ATAD3B: variants seen among roughly 807,000 people sequenced by gnomAD.
ATAD3B encodes ATPase family AAA domain-containing protein 3B.
In ATAD3B, 59 loss-of-function variants were observed where a neutral mutation model predicts 70.2. That is an observed-to-expected ratio of 0.84 (90% confidence interval 0.68 to 1.04). The LOEUF is 1.04. ATAD3B is among the 50% of genes least tolerant of loss of function. The pLI, the probability that ATAD3B is intolerant of heterozygous loss-of-function variation, is 0.00. For missense variants in ATAD3B, 961 were observed against 913.4 expected, an observed-to-expected ratio of 1.05 and a Z score of -0.67; for synonymous variants, 423 against 388.6, an observed-to-expected ratio of 1.09 and a Z score of -1.04.
chr1:1,490,516 G>A (rs1056734747), intron 14 of ATAD3B, 47 bp from the exon 15 acceptor site: 12 of 1,610,960 alleles, frequency 7.4e-6, no homozygotes, highest in Middle Eastern at 1.7e-4. Flanking sequence ...ACCTCATGGT[G>A]TGGGGTCCGC....
chr1:1,477,132 C>CA, intron 1 of ATAD3B, 142 bp from the exon 2 acceptor site: 2 of 1,127,922 alleles, frequency 1.8e-6, no homozygotes, highest in Non-Finnish European at 2.6e-6. Flanking sequence ...ACCTGAGCCT[C>CA]AGAGTTGCTG....
intron 7 of ATAD3B, chr1:1,483,176 G>C (rs919414364): frequency 2.6e-6 from 1 of 380,802 alleles, no homozygotes; most frequent in Admixed American, 3.3e-5. Flanking sequence ...GGTGACATGT[G>C]CCTGTAATCT....
At chr1:1,484,372 A>C (rs1640090446) in intron 7 of ATAD3B, 1 of 151,828 alleles carries the variant, frequency 6.6e-6, no homozygotes, top group Admixed American at 6.6e-5. Context: ...TAGTAGAGAG[A>C]GGGTTTCATC....
Position 1,477,336 on chromosome 1 carries a change from C to A in ATAD3B, c.268C>A (p.Gln90Lys). 1 of 1,612,190 alleles carries A rather than the reference C, an allele frequency of 6.2e-7. No homozygotes were observed. The highest frequency in any genetic ancestry group is 8.5e-7 in the Non-Finnish European group (1 of 1,179,714). The change falls in exon 2 of 16, where the codon CAG (glutamine) becomes AAG (lysine). Residue 90 changes from glutamine (Q) to lysine (K), a missense_variant. Gln to Lys is a moderately conservative substitution (Grantham distance 53). This residue lies in a region of ATAD3B where 187 missense variants were observed against 244.3 expected (regional missense o/e 0.77). Coordinates refer to ENST00000673477, the MANE Select transcript of ATAD3B (RefSeq NM_031921.6). ...MQEQTLQLEQ[Q>K]SKLKEYEAAV... Reference sequence around the variant, plus strand: ...GGAGCAGACGCTGCAGTTGGAGCAACAGTCCAAGCTCAAAGTGAGTGGGGC... The same window carrying A: ...GGAGCAGACGCTGCAGTTGGAGCAAAAGTCCAAGCTCAAAGTGAGTGGGGC...
chr1:1,503,223 C>CAAA, the ATAD3B span: 18 of 108,918 alleles, frequency 1.7e-4, no homozygotes, highest in South Asian at 7.6e-4. Context: ...GATTCCGTCT[C>CAAA]AAAAAAAAAA....
At chr1:1,483,846 G>A (rs1164417369) in intron 7 of ATAD3B, 1 of 152,218 alleles carries the variant, frequency 6.6e-6, no homozygotes, top group African/African-American at 2.4e-5. Flanking sequence ...CATGTCCTCA[G>A]GTGACACCGT....
chr1:1,494,218 C>T (rs1372923724), intron 15 of ATAD3B, among the ~76,000 whole-genome samples: 3 of 151,952 alleles, frequency 2.0e-5, no homozygotes, highest in Admixed American at 1.3e-4. Context: ...TGACATTTAG[C>T]TGTCACTTCT....
chr1:1,485,953 T>G, intron 9 of ATAD3B, 115 bp downstream of exon 9: 1 of 1,596,548 alleles, frequency 6.3e-7, no homozygotes, highest in South Asian at 1.1e-5. Flanking sequence ...GGTCCTGAGA[T>G]GCAACTGCTT....
At position 1,490,422 on chromosome 1, in the gene ATAD3B, ACGGTGAGTGT is replaced by A. The variant is rs1407237795; in HGVS notation, c.1505_1505+9del. The A allele has an allele frequency of 1.2e-6, 2 of 1,613,202 alleles. No homozygotes were observed. The highest frequency in any genetic ancestry group is 1.7e-6 in the Non-Finnish European group (2 of 1,179,620). ...TTCTTAAGCCGGCCACAGAAGGAAA[ACGGTGAGTGT>A]CCCGCCTCACCCGGCCCCCAATCCA... is the stretch of plus-strand genomic sequence containing the variant. On this transcript the variant is annotated splice_donor_variant and splice_donor_5th_base_variant and coding_sequence_variant and intron_variant, in exon 14 of 16. Coordinates refer to ENST00000673477, the MANE Select transcript of ATAD3B (RefSeq NM_031921.6). LOFTEE classifies it high-confidence loss of function.
At position 1,487,707 on chromosome 1, in the gene ATAD3B, C is replaced by G. The variant is rs186532722; in HGVS notation, c.1215-156C>G. Among the ~76,000 whole-genome samples, 536 of 151,982 alleles carry G rather than the reference C, an allele frequency of 3.5e-3. 3 individuals carry two copies. The highest frequency in any genetic ancestry group is 0.012 in the African/African-American group (506 of 41,490). ...TCAGCTGCCCAGAGGCCAGGCTGAT[C>G]GGCTTCTGTCGAGTCCAGGACTTAG... On this transcript the variant is annotated intron_variant, in intron 11 of 15. Transcript: ENST00000673477.
chr1:1,508,671 C>T, the ATAD3B span, among the ~76,000 whole-genome samples: 1 of 151,418 alleles, frequency 6.6e-6, no homozygotes, highest in Non-Finnish European at 1.5e-5. Context: ...CCGAGGGCCA[C>T]AGCCCCAGCA....
At chr1:1,507,038 C>T in the ATAD3B span, among the ~76,000 whole-genome samples, 2 of 151,872 alleles carry the variant, frequency 1.3e-5, no homozygotes, top group East Asian at 3.9e-4. Flanking sequence ...CTGCCCGCTT[C>T]AGCCTCCCAA....
Position 1,487,856 on chromosome 1 carries a change from T to C in ATAD3B, c.1215-7T>C. 6.2e-7 allele frequency: 1 copy of C among 1,612,920 alleles called. No homozygotes were observed. Among genetic ancestry groups the C allele is most frequent in the Non-Finnish European group, 8.5e-7 (1 of 1,179,336 alleles). ...CTCGCCTTGCTTGGCCTCTCTCTCG[T>C]TCACAGCCTCCTGCTCTTCATGGAT... On this transcript the variant is annotated splice_polypyrimidine_tract_variant and splice_region_variant and intron_variant, in intron 11 of 15. Transcript: ENST00000673477.
chr1:1,477,301 C>T lies in ATAD3B; in HGVS notation c.233C>T (p.Ala78Val), dbSNP rs761212122. 19 of 1,612,414 alleles carry T rather than the reference C, an allele frequency of 1.2e-5. No homozygotes were observed. The highest frequency in any genetic ancestry group is 1.7e-5 in the Admixed American group (1 of 59,994). The change falls in exon 2 of 16, where the codon GCG becomes GTG. Residue 78 changes from alanine (A) to valine (V), a missense_variant. Transcript: ENST00000673477. ...TACGCCAAGGAGGCCCTGAATCTGGCGCAGATGCAGGAGCAGACGCTGCAG... is the reference window on the plus strand; with the variant it reads ...TACGCCAAGGAGGCCCTGAATCTGGTGCAGATGCAGGAGCAGACGCTGCAG... ...SRYAKEALNL[A>V]QMQEQTLQLE...
At chr1:1,475,732 C>T (rs570590046) in intron 1 of ATAD3B, among the ~76,000 whole-genome samples, 278 of 151,936 alleles carry the variant, frequency 1.8e-3, no homozygotes, top group Non-Finnish European at 2.3e-3. Flanking sequence ...CGCGCTGGGA[C>T]GCACGTCCCT....
At position 1,477,255 on chromosome 1, in the gene ATAD3B, G is replaced by C. The variant is rs766753655; in HGVS notation, c.206-19G>C. 26 of 1,611,870 alleles carry C rather than the reference G, an allele frequency of 1.6e-5. No homozygotes were observed. The Admixed American group carries it at 4.2e-4, about 26-fold the overall frequency. On this transcript the variant is annotated intron_variant, in intron 1 of 15. Transcript: ENST00000673477. Reference sequence around the variant, plus strand: ...TCCGTGTATCCTACACCTGCTCTCCGTGCCACATGCGCCCGCAGGTTACGC... The same window carrying C: ...TCCGTGTATCCTACACCTGCTCTCCCTGCCACATGCGCCCGCAGGTTACGC...
At position 1,495,536 on chromosome 1, in the gene ATAD3B, G is replaced by T. The variant is rs767355766; in HGVS notation, c.1666G>T (p.Ala556Ser). Residue 556 changes from alanine to serine, a missense_variant, in exon 16 of 16, where the codon GCC (alanine) becomes TCC (serine). Transcript: ENST00000673477. The part of the protein sequence containing the change: ...DGVLTEAMMD[A>S]CVQDAVQQYR... ...GGTCCTCACTGAGGCCATGATGGAC[G>T]CCTGTGTGCAAGATGCTGTCCAGCA... The T allele has an allele frequency of 2.5e-6, 4 of 1,612,624 alleles. No homozygotes were observed. Among genetic ancestry groups the T allele is most frequent in the South Asian group, 1.1e-5 (1 of 90,966 alleles).
chr1:1,498,441 A>T (rs2100612506), downstream of ATAD3B, among the ~76,000 whole-genome samples: 1 of 152,114 alleles, frequency 6.6e-6, no homozygotes, highest in African/African-American at 2.4e-5. Context: ...AGCCTGGGTG[A>T]CAGAGTGAGA....
In ATAD3B at chr1:1,491,791, G is replaced by A. The variant is rs1406095940; in HGVS notation, c.1614+1120G>A. 5.3e-5 allele frequency among the ~76,000 whole-genome samples: 8 copies of A among 152,124 alleles called. No individual in the cohort carries two copies. The East Asian group carries it at 1.5e-3, about 29-fold the overall frequency. On this transcript the variant is annotated intron_variant, in intron 15 of 15. Transcript: ENST00000673477. ...TCAGTACAGGCTGGGTTATGCCGCTGTGACAAAGAGTCCCAGATCTCAAAC... is the reference window on the plus strand; with the variant it reads ...TCAGTACAGGCTGGGTTATGCCGCTATGACAAAGAGTCCCAGATCTCAAAC...
Sources: allele counts gnomAD v4.1 joint callset (sites outside exome capture counted in the v4.1 genomes callset), GRCh38; gene constraint gnomAD v4.1.1; regional missense constraint gnomAD v4.1.1; transcripts MANE v1.5; gene names NCBI Gene and HGNC (gene_info 2026-07-23, HGNC 2026-07-21).